The following DYNC2I1 variants were observed in gnomAD, a reference collection of about 807,000 sequenced individuals.
DYNC2I1 encodes the protein dynein 2 intermediate chain 1.
Under a neutral mutation model 133.4 loss-of-function variants are expected in DYNC2I1, and 89 were observed. The observed-to-expected ratio is 0.67, with a 90% CI of 0.56 to 0.80. DYNC2I1 has a LOEUF of 0.80. Among genes scored for constraint, DYNC2I1 ranks in the 30% least tolerant of loss-of-function variants. The pLI is 0.00. For synonymous variants in DYNC2I1, 504 were observed against 484.3 expected (o/e 1.04, Z -0.54); for missense variants, 1,291 against 1,314.5 (o/e 0.98, Z 0.28).
intron 1 of DYNC2I1, among the ~76,000 whole-genome samples, chr7:158,858,200 A>G (rs1841494870): frequency 6.6e-6 from 1 of 152,154 alleles, no homozygotes; most frequent in Non-Finnish European, 1.5e-5. Flanking sequence ...GTCATCTTCT[A>G]TGCTATTCTC....
chr7:158,865,634 A>T (rs1042075543), intron 1 of DYNC2I1, among the ~76,000 whole-genome samples: 2 of 152,104 alleles, frequency 1.3e-5, no homozygotes, highest in Admixed American at 1.3e-4. Flanking sequence ...AGCTCTCCTG[A>T]GTCTCCTCAC....
chr7:158,954,882 C>T (rs1394694148), intron 4 of DYNC2I1, among the ~76,000 whole-genome samples: 1 of 152,062 alleles, frequency 6.6e-6, no homozygotes, highest in African/African-American at 2.4e-5. Context: ...TGGTGGAAGG[C>T]GGTCCCTCCC....
chr7:158,886,456 T>C (rs377221861), intron 6 of DYNC2I1, among the ~76,000 whole-genome samples: 1 of 152,136 alleles, frequency 6.6e-6, no homozygotes, highest in Non-Finnish European at 1.5e-5. Flanking sequence ...AGGATGTAGA[T>C]TTGCACTCAC....
At chr7:158,853,076 G>A (rs1482253599), upstream of DYNC2I1, among the ~76,000 whole-genome samples, 1 of 152,176 alleles carries the variant, frequency 6.6e-6, no homozygotes, top group Non-Finnish European at 1.5e-5. Context: ...TTGGCCATAG[G>A]GTGTCCCGCT....
chr7:158,952,701 C>A (rs577019345), intron 4 of DYNC2I1, among the ~76,000 whole-genome samples: 6 of 151,958 alleles, frequency 3.9e-5, no homozygotes, highest in African/African-American at 1.4e-4. Context: ...GGAGGGTGAA[C>A]CCCCAGCCGC....
intron 1 of DYNC2I1, among the ~76,000 whole-genome samples, chr7:158,863,915 G>A (rs1842149638): frequency 8.0e-6 from 1 of 124,640 alleles, no homozygotes; most frequent in Non-Finnish European, 1.7e-5. Context: ...TGGGGAGCGG[G>A]ACGTCCTTAG....
At chr7:158,888,159 G>T (rs2129481106) in intron 7 of DYNC2I1, among the ~76,000 whole-genome samples, 1 of 151,154 alleles carries the variant, frequency 6.6e-6, no homozygotes, top group Admixed American at 6.6e-5. Flanking sequence ...TGAGTAGCTG[G>T]GACTATAGGC....
chr7:158,872,543 G>T (rs1032092690), intron 3 of DYNC2I1, among the ~76,000 whole-genome samples: 1 of 152,122 alleles, frequency 6.6e-6, no homozygotes, highest in African/African-American at 2.4e-5. Context: ...GCTGAGGCAG[G>T]GGAATTGCTT....
downstream of DYNC2I1, among the ~76,000 whole-genome samples, chr7:158,947,935 T>C (rs1164254555): frequency 1.3e-5 from 2 of 152,248 alleles, no homozygotes; most frequent in African/African-American, 4.8e-5. Context: ...CCCAGGCTCC[T>C]AAGCATTGGG....
chr7:158,877,300 G>C (rs990232060), intron 4 of DYNC2I1, among the ~76,000 whole-genome samples: 4 of 152,170 alleles, frequency 2.6e-5, no homozygotes, highest in African/African-American at 7.2e-5. Flanking sequence ...TTCCGGATTG[G>C]TGTTTTGCGG....
chr7:158,887,002 G>C lies in DYNC2I1; in HGVS notation c.936-19G>C. 1 of 1,611,852 alleles carries C rather than the reference G, an allele frequency of 6.2e-7. No homozygotes were observed. Among genetic ancestry groups the C allele is most frequent in the Non-Finnish European group, 8.5e-7 (1 of 1,178,320 alleles). On this transcript the variant is annotated intron_variant, in intron 6 of 24. Transcript: ENST00000407559. ...CTCATTTAAAGTAAGTTTTGATTTT[G>C]ATTATGTTTGCTTTCCAGGCATGCT...
At chr7:158,886,953 A>C in intron 6 of DYNC2I1, 68 bp from the exon 7 acceptor site, 1 of 1,453,400 alleles carries the variant, frequency 6.9e-7, no homozygotes, top group Non-Finnish European at 9.6e-7. Context: ...ACTGATATGG[A>C]AAATGTTTTA....
At chr7:158,887,000 T>G (rs1238295057) in intron 6 of DYNC2I1, 21 bp from the exon 7 acceptor site, 6 of 1,611,686 alleles carry the variant, frequency 3.7e-6, no homozygotes, top group Admixed American at 1.7e-5. Context: ...AGTTTTGATT[T>G]TGATTATGTT....
In DYNC2I1 at chr7:158,923,313, C is replaced by T. The variant is rs148893439; in HGVS notation, c.2095-258C>T. On this transcript the variant is annotated intron_variant, in intron 16 of 24. Transcript: ENST00000407559. ...CAGGCTCCCGGCAGGCTTTGTGTGACCAGATGAGTGTCAGCACCTTGCGTT... is the reference window on the plus strand; with the variant it reads ...CAGGCTCCCGGCAGGCTTTGTGTGATCAGATGAGTGTCAGCACCTTGCGTT... Among the ~76,000 whole-genome samples the T allele has an allele frequency of 2.2e-4, 34 of 152,288 alleles. No homozygotes were observed. The East Asian group carries it at 6.4e-3, about 28-fold the overall frequency.
chr7:158,862,550 CTT>C (rs1387836473), intron 1 of DYNC2I1, among the ~76,000 whole-genome samples: 1 of 81,124 alleles, frequency 1.2e-5, no homozygotes, highest in Admixed American at 1.5e-4. Context: ...GACCCTATCT[CTT>C]AAAAAAAAAA....
In DYNC2I1 at chr7:158,867,018, GTT is replaced by G. The variant is rs35720744; in HGVS notation, c.16-2820_16-2819del. The stretch of plus-strand genomic sequence containing the variant: ...TCCATTTTTCATTTGGACTAAATCT[GTT>G]TTTTTTTTTTTTTTTTGAAACAAAC... On this transcript the variant is annotated intron_variant, in intron 1 of 24. Transcript: ENST00000407559. 7.4e-3 allele frequency among the ~76,000 whole-genome samples: 896 copies of G among 121,150 alleles called. 4 individuals are homozygous for G. The highest frequency in any genetic ancestry group is 0.021 in the African/African-American group (709 of 33,004). The allele number at this position is 121,150 out of a possible 152,430, so 79.5% of individuals were successfully genotyped here.
chr7:158,927,742 G>A (rs1246711351), intron 20 of DYNC2I1, among the ~76,000 whole-genome samples: 2 of 152,104 alleles, frequency 1.3e-5, no homozygotes, highest in Non-Finnish European at 2.9e-5. Flanking sequence ...AGTAGAGACA[G>A]GGTTTCACCA....
chr7:158,940,905 A>G (rs1585249183), intron 23 of DYNC2I1, among the ~76,000 whole-genome samples: 1 of 152,220 alleles, frequency 6.6e-6, no homozygotes, highest in Non-Finnish European at 1.5e-5. Context: ...TAAACAATGT[A>G]ACAATGCACC....
intron 13 of DYNC2I1, 107 bp from the exon 14 acceptor site, chr7:158,914,126 G>T: frequency 1.2e-6 from 1 of 829,310 alleles, no homozygotes; most frequent in Non-Finnish European, 1.9e-6. Context: ...TTTTCCTTCT[G>T]GGACTCTTAA....
Sources: gnomAD v4.1 joint callset for allele counts (sites outside exome capture counted in the v4.1 genomes callset) on GRCh38, gnomAD v4.1.1 for gene constraint, MANE v1.5 for transcripts, NCBI Gene and HGNC (gene_info 2026-07-23, HGNC 2026-07-21) for gene names.